Variants in SCARB2 observed in about 807,000 individuals in gnomAD.
The protein encoded by SCARB2 is lysosome membrane protein 2.
In SCARB2, 29 loss-of-function variants were observed where a neutral mutation model predicts 58.6. The ratio of observed to expected loss-of-function variants is 0.49; its 90% CI spans 0.37 to 0.67. The LOEUF (loss-of-function observed/expected upper bound fraction) is 0.67. Ranked by LOEUF, SCARB2 falls within the 30% of genes least tolerant of loss-of-function variation. SCARB2 has a pLI of 0.00. For synonymous variants in SCARB2, 195 were observed against 210.1 expected (o/e 0.93, Z 0.62); for missense variants, 488 against 578.5 (o/e 0.84, Z 1.60).
In SCARB2 at chr4:76,195,964, G is replaced by A. The variant is rs1732703621; in HGVS notation, c.118-100C>T. On this transcript the variant is annotated intron_variant, in intron 1 of 11. Coordinates refer to ENST00000264896, the MANE Select transcript of SCARB2 (RefSeq NM_005506.4). Reference sequence around the variant, plus strand: ...GGACGCCCCCTATTCTGACCTCCTAGATCACTATTTTAATCATTTCACAGG... The same window carrying A: ...GGACGCCCCCTATTCTGACCTCCTAAATCACTATTTTAATCATTTCACAGG... The A allele has an allele frequency of 7.6e-6, 6 of 789,482 alleles. No individual in the cohort carries two copies. In the South Asian group the frequency reaches 1.1e-4, roughly 14 times the overall value. The allele number at this position is 789,482 out of a possible 1,614,324, so 48.9% of individuals were successfully genotyped here.
At chr4:76,169,065 C>T (rs1732071965) in intron 8 of SCARB2, among the ~76,000 whole-genome samples, 1 of 152,208 alleles carries the variant, frequency 6.6e-6, no homozygotes, top group African/African-American at 2.4e-5. Flanking sequence ...GGGAACTGAT[C>T]AGCTGATGGC....
At chr4:76,212,656 T>C (rs1733077137) in intron 1 of SCARB2, among the ~76,000 whole-genome samples, 1 of 152,200 alleles carries the variant, frequency 6.6e-6, no homozygotes, top group Non-Finnish European at 1.5e-5. Flanking sequence ...GCTTGGTGGA[T>C]GTGGGGGAAA....
At chr4:76,189,517 C>T (rs1383922641) in intron 2 of SCARB2, among the ~76,000 whole-genome samples, 1 of 150,808 alleles carries the variant, frequency 6.6e-6, no homozygotes, top group Non-Finnish European at 1.5e-5. Flanking sequence ...AAGTCTTGCT[C>T]GGTCGCCCAG....
At chr4:76,213,293 G>A in intron 1 of SCARB2, 134 bp downstream of exon 1, 1 of 724,960 alleles carries the variant, frequency 1.4e-6, no homozygotes, top group Non-Finnish European at 2.5e-6. Context: ...AGCCCTGGAA[G>A]ACAGGGACGC....
At chr4:76,182,195 C>T (rs1454346979) in intron 2 of SCARB2, among the ~76,000 whole-genome samples, 1 of 152,112 alleles carries the variant, frequency 6.6e-6, no homozygotes, top group Non-Finnish European at 1.5e-5. Flanking sequence ...TTGTTTCTTT[C>T]CCTTTGCTTA....
chr4:76,199,394 T>C (rs1732783135), intron 1 of SCARB2, among the ~76,000 whole-genome samples: 1 of 152,330 alleles, frequency 6.6e-6, no homozygotes, highest in South Asian at 2.1e-4. Context: ...ATGGGCTACA[T>C]CAAAAATGTT....
At chr4:76,179,253 C>T in intron 4 of SCARB2, 2 of 447,436 alleles carry the variant, frequency 4.5e-6, no homozygotes, top group East Asian at 4.5e-5. Flanking sequence ...AGAGTTTTGC[C>T]ATGTTGGCCA....
rs775860622 is a variant in SCARB2, at chr4:76,163,274, C to T, written c.1349G>A (p.Gly450Asp). Reference sequence around the variant, plus strand: ...GCATGCAAGCCAGGTAAAAACCAAACCAAAGAACACACCCAGCGCCATGAT... The same window carrying T: ...GCATGCAAGCCAGGTAAAAACCAAATCAAAGAACACACCCAGCGCCATGAT... Reference protein sequence around the residue: ...YIIMALGVFFGLVFTWLACKG... With the variant: ...YIIMALGVFFDLVFTWLACKG... Residue 450 changes from glycine to aspartate, a missense_variant, in exon 11 of 12, where the codon GGT becomes GAT. Gly to Asp is a moderately conservative substitution (Grantham distance 94, BLOSUM62 -1). Transcript: ENST00000264896. 1.2e-6 allele frequency: 2 copies of T among 1,614,148 alleles called. No homozygotes were observed. Among genetic ancestry groups the T allele is most frequent in the South Asian group, 1.1e-5 (1 of 91,074 alleles).
At chr4:76,188,301 A>G (rs1732529320) in intron 2 of SCARB2, among the ~76,000 whole-genome samples, 1 of 152,260 alleles carries the variant, frequency 6.6e-6, no homozygotes. Flanking sequence ...TCACAGACCC[A>G]TTCCAGGGCT....
At position 76,213,561 on chromosome 4, in the gene SCARB2, G is replaced by A. The variant is rs543249957; in HGVS notation, c.-18C>T. The A allele has an allele frequency of 9.5e-6, 15 of 1,581,754 alleles. No individual in the cohort carries two copies. In the African/African-American group the frequency reaches 1.6e-4, roughly 17 times the overall value. ...CGGCCCATTCTGTGCGCCGCTCACG[G>A]GCCGGGCCGGGCCGCACCCGCCAGG... On this transcript the variant is annotated 5_prime_UTR_variant, in exon 1 of 12. Transcript: ENST00000264896.
chr4:76,190,293 A>T (rs1732577714), intron 2 of SCARB2, among the ~76,000 whole-genome samples: 1 of 152,212 alleles, frequency 6.6e-6, no homozygotes, highest in Non-Finnish European at 1.5e-5. Context: ...TATAGGTGTG[A>T]GCCACCGTGC....
chr4:76,196,005 T>G (rs1253219129), intron 1 of SCARB2, 141 bp from the exon 2 acceptor site: 1 of 620,524 alleles, frequency 1.6e-6, no homozygotes, highest in Non-Finnish European at 2.8e-6. Context: ...AACTGCAGTC[T>G]CCTGAGAACA....
intron 2 of SCARB2, among the ~76,000 whole-genome samples, chr4:76,181,859 C>T (rs1732393353): frequency 1.3e-5 from 2 of 152,158 alleles, no homozygotes; most frequent in South Asian, 2.1e-4. Flanking sequence ...AGCTACCACA[C>T]CCGGTCTCTG....
intron 2 of SCARB2, 36 bp downstream of exon 2, chr4:76,195,671 G>A (rs991245928): frequency 2.5e-6 from 4 of 1,599,720 alleles, no homozygotes; most frequent in Middle Eastern, 1.8e-4. Flanking sequence ...GGGTCACTCT[G>A]TATTTCTTTC....
chr4:76,195,867 A>C lies in SCARB2; in HGVS notation c.118-3T>G, dbSNP rs755638994. On this transcript the variant is annotated splice_region_variant and splice_polypyrimidine_tract_variant and intron_variant, in intron 1 of 11. Coordinates refer to ENST00000264896, the MANE Select transcript of SCARB2 (RefSeq NM_005506.4). ...GTACCATTCCTTAACACAATTTTCT[A>C]GGAAAAAACCAAAAGGAGATTTACA... 1.9e-6 allele frequency: 3 copies of C among 1,606,688 alleles called. No individual in the cohort carries two copies. Among genetic ancestry groups the C allele is most frequent in the Non-Finnish European group, 2.5e-6 (3 of 1,177,720 alleles).
intron 1 of SCARB2, among the ~76,000 whole-genome samples, chr4:76,198,695 C>G (rs1732764178): frequency 6.6e-6 from 1 of 152,172 alleles, no homozygotes; most frequent in South Asian, 2.1e-4. Context: ...CTCATAGCCC[C>G]TTTTACTCCC....
chr4:76,184,472 C>T (rs576248141), intron 2 of SCARB2, among the ~76,000 whole-genome samples: 65 of 152,304 alleles, frequency 4.3e-4, no homozygotes, highest in African/African-American at 1.3e-3. Context: ...ACAACCATTC[C>T]GCTTTCTGCT....
At chr4:76,222,878 T>G (rs893360209) in intron 1 of SCARB2, among the ~76,000 whole-genome samples, 4 of 152,104 alleles carry the variant, frequency 2.6e-5, no homozygotes, top group African/African-American at 9.7e-5. Flanking sequence ...GTTTAAGTCT[T>G]GGTCAGGCAA....
At chr4:76,226,896 T>A (rs918260749) in intron 1 of SCARB2, among the ~76,000 whole-genome samples, 1 of 152,210 alleles carries the variant, frequency 6.6e-6, no homozygotes, top group African/African-American at 2.4e-5. Flanking sequence ...CTAATTGAGC[T>A]TTTTTGAATC....
Sources: allele counts gnomAD v4.1 joint callset (sites outside exome capture counted in the v4.1 genomes callset), GRCh38; gene constraint gnomAD v4.1.1; transcripts MANE v1.5; gene names NCBI Gene and HGNC (gene_info 2026-07-23, HGNC 2026-07-21).